Variants in PTPRT observed in about 807,000 individuals in gnomAD.
PTPRT encodes receptor-type tyrosine-protein phosphatase T.
A neutral mutation model predicts 176.8 loss-of-function variants in PTPRT; 56 were observed. The observed-to-expected ratio is 0.32, with a 90% CI of 0.26 to 0.40. The LOEUF is 0.40. PTPRT is among the 10% of genes least tolerant of loss of function. The pLI is 1.00. For missense variants in PTPRT, 1,540 were observed against 1,908.2 expected (o/e 0.81, Z 3.60); for synonymous variants, 783 against 739.0 (o/e 1.06, Z -0.96).
At chr20:42,228,061 G>A (rs1423745108) in intron 15 of PTPRT, among the ~76,000 whole-genome samples, 2 of 152,180 alleles carry the variant, frequency 1.3e-5, no homozygotes, top group African/African-American at 4.8e-5. Context: ...GTATGTTTAT[G>A]AGGTAGAAGC....
At chr20:42,554,580 C>G (rs2145626525) in intron 7 of PTPRT, among the ~76,000 whole-genome samples, 1 of 152,174 alleles carries the variant, frequency 6.6e-6, no homozygotes, top group African/African-American at 2.4e-5. Flanking sequence ...TAAAATCTTT[C>G]TCATGTTGTC....
At chr20:42,724,738 CAG>C (rs2076353058) in intron 6 of PTPRT, among the ~76,000 whole-genome samples, 1 of 152,202 alleles carries the variant, frequency 6.6e-6, no homozygotes, top group Non-Finnish European at 1.5e-5. Context: ...CTCAAGGCTG[CAG>C]TGAGCTATCA....
rs1988652575 is a variant in PTPRT at position 42,142,014 on chromosome 20, G to A, written c.2683-12C>T. ...CCCTCTGGTAAGGCCTAAAAAGCAA[G>A]GACAGAGTGGTTAGAGTGGCCTGAG... On this transcript the variant is annotated splice_polypyrimidine_tract_variant and intron_variant, in intron 17 of 30. Coordinates refer to ENST00000373187, the MANE Select transcript of PTPRT (RefSeq NM_007050.6). The A allele has an allele frequency of 6.2e-7, 1 of 1,611,930 alleles. No individual in the cohort carries two copies. Among genetic ancestry groups the A allele is most frequent in the African/African-American group, 1.3e-5 (1 of 74,884 alleles).
chr20:42,581,781 A>G (rs954761765), intron 7 of PTPRT, among the ~76,000 whole-genome samples: 1 of 152,230 alleles, frequency 6.6e-6, no homozygotes, highest in African/African-American at 2.4e-5. Context: ...AAGATGTTTA[A>G]AACATCGCAA....
At chr20:42,303,773 C>G (rs2057504873) in intron 12 of PTPRT, among the ~76,000 whole-genome samples, 1 of 152,040 alleles carries the variant, frequency 6.6e-6, no homozygotes, top group Non-Finnish European at 1.5e-5. Flanking sequence ...GATGGTGGCA[C>G]TGGAGATGAG....
intron 1 of PTPRT, among the ~76,000 whole-genome samples, chr20:42,902,273 C>T (rs1194576055): frequency 6.6e-6 from 1 of 152,114 alleles, no homozygotes; most frequent in African/African-American, 2.4e-5. Context: ...GCAGGCCTCC[C>T]CCAGCAAGTT....
chr20:43,163,625 G>A (rs555051978), intron 1 of PTPRT, among the ~76,000 whole-genome samples: 52 of 150,634 alleles, frequency 3.5e-4, no homozygotes, highest in Admixed American at 1.2e-3. Flanking sequence ...GCTACAGAGC[G>A]AGACTCCTTC....
chr20:42,874,763 C>T (rs1020906250), intron 2 of PTPRT, among the ~76,000 whole-genome samples: 3 of 152,090 alleles, frequency 2.0e-5, no homozygotes, highest in Non-Finnish European at 4.4e-5. Context: ...AAGTATTAAA[C>T]GATGTAAAAA....
intron 2 of PTPRT, among the ~76,000 whole-genome samples, chr20:42,812,713 G>A (rs925583372): frequency 1.3e-5 from 2 of 151,748 alleles, no homozygotes; most frequent in African/African-American, 4.8e-5. Context: ...TGTTGCCTTG[G>A]GCAAGTTACG....
At chr20:42,296,402 C>A (rs1053919702) in intron 12 of PTPRT, among the ~76,000 whole-genome samples, 53 of 149,778 alleles carry the variant, frequency 3.5e-4, no homozygotes, top group African/African-American at 1.2e-3. Context: ...GCTGAGATCA[C>A]ACCACTGCAC....
intron 15 of PTPRT, among the ~76,000 whole-genome samples, chr20:42,219,382 G>T (rs17314864): frequency 0.16 from 24,050 of 152,112 alleles, 2,243 homozygotes; most frequent in Non-Finnish European, 0.2. Flanking sequence ...GCTATGAAGG[G>T]TGTTATAATC....
intron 16 of PTPRT, among the ~76,000 whole-genome samples, chr20:42,163,635 A>C (rs1020054144): frequency 6.6e-6 from 1 of 152,246 alleles, no homozygotes; most frequent in Non-Finnish European, 1.5e-5. Context: ...ACTGTCTAGC[A>C]AGGAAATAGA....
the PTPRT span, among the ~76,000 whole-genome samples, chr20:42,067,552 A>G: frequency 6.6e-6 from 1 of 152,174 alleles, no homozygotes; most frequent in African/African-American, 2.4e-5. Flanking sequence ...TTAGTAAAAC[A>G]GGACCCCTTA....
chr20:42,964,992 A>G (rs951992128), intron 1 of PTPRT, among the ~76,000 whole-genome samples: 2 of 152,224 alleles, frequency 1.3e-5, no homozygotes, highest in African/African-American at 4.8e-5. Context: ...GTGATTCTCT[A>G]CCTACTAAAT....
chr20:42,608,692 T>C (rs1185086580), intron 7 of PTPRT, among the ~76,000 whole-genome samples: 1 of 152,180 alleles, frequency 6.6e-6, no homozygotes, highest in Non-Finnish European at 1.5e-5. Context: ...TTGGGCTGGA[T>C]GGCTGAAGGT....
chr20:42,983,844 T>C (rs374234543), intron 1 of PTPRT, among the ~76,000 whole-genome samples: 58 of 152,284 alleles, frequency 3.8e-4, no homozygotes, highest in African/African-American at 1.3e-3. Flanking sequence ...CTGTTTAACA[T>C]AGGTTGTATT....
chr20:42,637,369 A>G (rs1160995329), intron 7 of PTPRT, among the ~76,000 whole-genome samples: 2 of 152,100 alleles, frequency 1.3e-5, no homozygotes, highest in Admixed American at 6.5e-5. Context: ...ATCTCCTGCC[A>G]GTCTCCTTGT....
At chr20:42,746,797 C>T (rs2076697080) in intron 6 of PTPRT, among the ~76,000 whole-genome samples, 1 of 152,048 alleles carries the variant, frequency 6.6e-6, no homozygotes, top group African/African-American at 2.4e-5. Context: ...CAAGATCAGG[C>T]ATGAGATGAG....
chr20:43,092,607 T>C lies in PTPRT; in HGVS notation c.88+97039A>G, dbSNP rs142031730. Among the ~76,000 whole-genome samples, 135 of 152,334 alleles carry C rather than the reference T, an allele frequency of 8.9e-4. 2 individuals carry two copies. Among genetic ancestry groups the C allele is most frequent in the African/African-American group, 2.7e-3 (114 of 41,576 alleles). On this transcript the variant is annotated intron_variant, in intron 1 of 30. Coordinates refer to ENST00000373187, the MANE Select transcript of PTPRT (RefSeq NM_007050.6). ...GCCCCTATGTGGTTGAGTGCAACCA[T>C]GTGACTAGTTCTGCCCACTAAACTG...
Sources: gnomAD v4.1 joint callset for allele counts (sites outside exome capture counted in the v4.1 genomes callset) on GRCh38, gnomAD v4.1.1 for gene constraint, MANE v1.5 for transcripts, NCBI Gene and HGNC (gene_info 2026-07-23, HGNC 2026-07-21) for gene names.